The following C5 variants were observed in gnomAD, a reference collection of about 807,000 sequenced individuals.
The protein encoded by C5 is complement C5, also known as C3 and PZP-like alpha-2-macroglobulin domain-containing protein 4.
In C5, 140 loss-of-function variants were observed where a neutral mutation model predicts 218.8. The ratio of observed to expected loss-of-function variants is 0.64; its 90% CI spans 0.56 to 0.74. C5 has a LOEUF of 0.74. Ranked by LOEUF, C5 falls within the 30% of genes least tolerant of loss-of-function variation. C5 has a pLI of 0.00. For missense variants in C5, 1,700 were observed against 1,969.6 expected, an observed-to-expected ratio of 0.86 and a Z score of 2.59; for synonymous variants, 614 against 682.3, an observed-to-expected ratio of 0.90 and a Z score of 1.56.
In C5 at chr9:121,025,417, T is replaced by TACACACAC. The variant is rs748041485; in HGVS notation, c.1000+36_1000+37insGTGTGTGT. ...TGTCTAAATATTTTTCAAAAGAAAG[T>TACACACAC]ATACACACACACACACACACACACA... On this transcript the variant is annotated intron_variant, in intron 9 of 40. Transcript: ENST00000223642. The TACACACAC allele has an allele frequency of 8.7e-4, 167 of 191,032 alleles. No homozygotes were observed. The South Asian group carries it at 0.021, about 24-fold the overall frequency. The allele number at this position is 191,032 out of a possible 1,614,324, so 11.8% of individuals were successfully genotyped here. A position where few individuals can be genotyped will look rare whatever the true frequency, so the allele number is the denominator to read the frequency against.
intron 22 of C5, 110 bp downstream of exon 22, chr9:120,996,130 C>G: frequency 6.7e-6 from 6 of 894,350 alleles, no homozygotes; most frequent in Non-Finnish European, 1.1e-5. Flanking sequence ...GAAGTGGATA[C>G]TACTGATTTT....
intron 29 of C5, among the ~76,000 whole-genome samples, chr9:120,975,134 G>A (rs2046943794): frequency 6.6e-6 from 1 of 152,188 alleles, no homozygotes. Context: ...AGCAGGGACA[G>A]GAAGGAAGTG....
chr9:121,041,506 T>A (rs558505020), intron 3 of C5, among the ~76,000 whole-genome samples: 13 of 151,972 alleles, frequency 8.6e-5, no homozygotes, highest in African/African-American at 3.1e-4. Flanking sequence ...GGTTTCACCA[T>A]CTTGGCCAGG....
chr9:121,055,039 A>C, upstream of C5, among the ~76,000 whole-genome samples: 1 of 152,084 alleles, frequency 6.6e-6, no homozygotes, highest in African/African-American at 2.4e-5. Context: ...TAACCCTCTC[A>C]ACCAATTGTC....
chr9:120,962,514 T>C (rs545814590), intron 36 of C5, among the ~76,000 whole-genome samples, 157 bp downstream of exon 36: 3 of 152,234 alleles, frequency 2.0e-5, no homozygotes, highest in Non-Finnish European at 4.4e-5. Flanking sequence ...CAATATTTTG[T>C]ATGCAGTAGT....
At chr9:121,025,316 ATTATAT>A in intron 9 of C5, 132 bp downstream of exon 9, 5 of 1,039,246 alleles carry the variant, frequency 4.8e-6, no homozygotes, top group Non-Finnish European at 6.4e-6. Context: ...ACTTCTTATA[ATTATAT>A]TTAACTATGA....
Position 121,046,337 on chromosome 9 carries a change from T to A in C5, c.112A>T (p.Asn38Tyr), listed in dbSNP as rs1308644755. The A allele has an allele frequency of 6.2e-7, 1 of 1,612,700 alleles. No individual in the cohort carries two copies. ...TATCCATAAACTTGAATCACAATAT[T>A]TTCAGATGCTCCAACACGGAATATT... ...PKIFRVGASE[N>Y]IVIQVYGYTE... is the part of the protein sequence containing the mutation. Residue 38 changes from asparagine to tyrosine, a missense_variant, in exon 2 of 41, where the codon AAT (asparagine) becomes TAT (tyrosine). Coordinates refer to ENST00000223642, the MANE Select transcript of C5 (RefSeq NM_001735.3).
At chr9:120,975,301 C>T (rs749879231) in intron 29 of C5, among the ~76,000 whole-genome samples, 9 of 152,274 alleles carry the variant, frequency 5.9e-5, no homozygotes, top group East Asian at 1.9e-4. Context: ...TCCCCTTTCC[C>T]GTTATTCTCT....
intron 3 of C5, among the ~76,000 whole-genome samples, chr9:121,040,462 A>G (rs771041659): frequency 1.3e-5 from 2 of 152,334 alleles, no homozygotes; most frequent in South Asian, 2.1e-4. Flanking sequence ...AGATGCTTAC[A>G]CTAAAAATCC....
At chr9:121,040,355 G>A (rs2047567176) in intron 3 of C5, among the ~76,000 whole-genome samples, 1 of 152,142 alleles carries the variant, frequency 6.6e-6, no homozygotes, top group African/African-American at 2.4e-5. Context: ...TGATGAAGCT[G>A]GGGAAGAAGG....
chr9:120,973,000 G>A (rs559283936), intron 30 of C5, among the ~76,000 whole-genome samples: 6 of 152,150 alleles, frequency 3.9e-5, no homozygotes, highest in Non-Finnish European at 8.8e-5. Context: ...TTCACACCCA[G>A]AGTCACCACA....
rs2131803905 is a variant in C5, at chr9:121,034,831, GA to G, written c.555del (p.Pro186LeufsTer65). 4 of 1,580,840 alleles carry G rather than the reference GA, an allele frequency of 2.5e-6. No individual in the cohort carries two copies. The highest frequency in any genetic ancestry group is 3.5e-6 in the Non-Finnish European group (4 of 1,150,756). ...EEIDHIGIIS[F>X]PDFKIPSNPR... ...GGATTAGACGGAATCTTGAAGTCAG[GA>G]AAAGAGATAATTCCAATATGATCAA... On this transcript the variant is annotated frameshift_variant, in exon 5 of 41. Coordinates refer to ENST00000223642, the MANE Select transcript of C5 (RefSeq NM_001735.3). LOFTEE classifies it high-confidence loss of function.
At chr9:121,061,476 A>G in the C5 span, among the ~76,000 whole-genome samples, 2 of 152,258 alleles carry the variant, frequency 1.3e-5, no homozygotes, top group East Asian at 3.9e-4. Context: ...TGAAGCCAGG[A>G]GGTCGAGGCT....
At chr9:121,017,073 C>T (rs1418609164) in intron 14 of C5, among the ~76,000 whole-genome samples, 1 of 152,200 alleles carries the variant, frequency 6.6e-6, no homozygotes. Context: ...TAACTGCCAT[C>T]AACACCCTAC....
At chr9:121,069,129 A>G in the C5 span, among the ~76,000 whole-genome samples, 1 of 152,226 alleles carries the variant, frequency 6.6e-6, no homozygotes, top group Non-Finnish European at 1.5e-5. Context: ...GCAGGCAACA[A>G]AAACAAAAAT....
intron 20 of C5, among the ~76,000 whole-genome samples, chr9:121,001,582 T>G (rs147584805): frequency 6.6e-6 from 1 of 152,348 alleles, no homozygotes; most frequent in East Asian, 1.9e-4. Flanking sequence ...TATTCTGCAA[T>G]TTGCTTTTTT....
At chr9:120,979,346 G>A (rs1042524530) in intron 28 of C5, among the ~76,000 whole-genome samples, 1 of 152,168 alleles carries the variant, frequency 6.6e-6, no homozygotes, top group Non-Finnish European at 1.5e-5. Context: ...AAATTACAAT[G>A]CATCCTCTCA....
chr9:120,996,142 G>T, intron 22 of C5, 98 bp downstream of exon 22: 1 of 976,796 alleles, frequency 1.0e-6, no homozygotes, highest in South Asian at 1.3e-5. Flanking sequence ...ACTGATTTTA[G>T]ACAATTCACT....
chr9:121,017,373 G>C lies in C5; in HGVS notation c.1855C>G (p.Pro619Ala), dbSNP rs757584514. Residue 619 changes from proline (P) to alanine (A), a missense_variant, in exon 14 of 41, where the codon CCC becomes GCC. Transcript: ENST00000223642. The part of the protein sequence containing the change: ...VYGVQRGAKK[P>A]LERVFQFLEK... ...ATGCATTACTTAACTCTTTCCAAGGGCTTTTTGGCTCCTCTTTGGACTCCA... is the reference window on the plus strand; with the variant it reads ...ATGCATTACTTAACTCTTTCCAAGGCCTTTTTGGCTCCTCTTTGGACTCCA... 6.2e-7 allele frequency: 1 copy of C among 1,613,718 alleles called. No individual in the cohort carries two copies. Among genetic ancestry groups the C allele is most frequent in the South Asian group, 1.1e-5 (1 of 91,066 alleles).
Sources: allele counts gnomAD v4.1 joint callset (sites outside exome capture counted in the v4.1 genomes callset), GRCh38; gene constraint gnomAD v4.1.1; transcripts MANE v1.5; gene names NCBI Gene and HGNC (gene_info 2026-07-23, HGNC 2026-07-21).